ATP7B: variants seen among roughly 807,000 people sequenced by gnomAD.
ATP7B encodes ATPase copper transporting beta, also known as copper-transporting ATPase 2.
In ATP7B, 113 loss-of-function variants were observed where a neutral mutation model predicts 118.9. The ratio of observed to expected loss-of-function variants is 0.95; its 90% CI spans 0.82 to 1.11. The LOEUF (loss-of-function observed/expected upper bound fraction) is 1.11. ATP7B is among the 50% of genes most tolerant of loss of function. ATP7B has a pLI of 0.00. For synonymous variants in ATP7B, 777 were observed against 727.4 expected (o/e 1.07, Z -1.10); for missense variants, 1,867 against 1,871.4 (o/e 1.00, Z 0.04).
chr13:51,957,421 G>C, intron 9 of ATP7B, 95 bp downstream of exon 9: 1 of 1,258,172 alleles, frequency 7.9e-7, no homozygotes, highest in Non-Finnish European at 1.2e-6. Flanking sequence ...ACACTCACAA[G>C]GTCTATTGCA....
intron 1 of ATP7B, among the ~76,000 whole-genome samples, chr13:51,978,418 A>C (rs1043381117): frequency 4.6e-5 from 7 of 152,228 alleles, no homozygotes; most frequent in Non-Finnish European, 7.3e-5. Context: ...CTACATTGCT[A>C]GTGGGAGTGT....
chr13:51,956,903 AC>A (rs1311185973), intron 9 of ATP7B, among the ~76,000 whole-genome samples: 1 of 152,146 alleles, frequency 6.6e-6, no homozygotes, highest in East Asian at 1.9e-4. Context: ...ATTACTGAAT[AC>A]CTGTGTGACC....
At position 51,974,089 on chromosome 13, in the gene ATP7B, A is replaced by T; in HGVS notation, c.1131T>A (p.Ile377=). Reference sequence around the variant, plus strand: ...CTTCCAGTTGGGAGATCATGCCTTCAATGGAATGGACACAGGATGCACAGG... The same window carrying T: ...CTTCCAGTTGGGAGATCATGCCTTCTATGGAATGGACACAGGATGCACAGG... ...GMTCASCVHS[I]EGMISQLEGV... The change falls in exon 2 of 21, where the codon ATT becomes ATA. Residue 377 remains isoleucine, a synonymous_variant. Coordinates refer to ENST00000242839, the MANE Select transcript of ATP7B (RefSeq NM_000053.4). 6.2e-7 allele frequency: 1 copy of T among 1,614,080 alleles called. No homozygotes were observed.
intron 14 of ATP7B, among the ~76,000 whole-genome samples, chr13:51,942,855 G>A (rs985540365): frequency 2.0e-5 from 3 of 152,140 alleles, no homozygotes; most frequent in African/African-American, 4.8e-5. Flanking sequence ...ACAGGTTACC[G>A]ACTGGAAAGG....
chr13:51,950,433 A>G, intron 9 of ATP7B, 34 bp from the exon 10 acceptor site: 1 of 1,612,536 alleles, frequency 6.2e-7, no homozygotes, highest in Non-Finnish European at 8.5e-7. Context: ...TCACATGGCC[A>G]CTCATTCGGT....
rs774226215 is a variant in ATP7B at position 51,974,097 on chromosome 13, G to A, written c.1123C>T (p.His375Tyr). Residue 375 changes from histidine (H) to tyrosine (Y), a missense_variant, in exon 2 of 21, where the codon CAT becomes TAT. Coordinates refer to ENST00000242839, the MANE Select transcript of ATP7B (RefSeq NM_000053.4). Reference protein sequence around the residue: ...IAGMTCASCVHSIEGMISQLE... With the variant: ...IAGMTCASCVYSIEGMISQLE... ...TGGGAGATCATGCCTTCAATGGAAT[G>A]GACACAGGATGCACAGGTCATGCCG... 17 of 1,613,988 alleles carry A rather than the reference G, an allele frequency of 1.1e-5. No individual in the cohort carries two copies. Among genetic ancestry groups the A allele is most frequent in the Non-Finnish European group, 1.4e-5 (16 of 1,180,044 alleles).
chr13:51,944,239 C>T lies in ATP7B; in HGVS notation c.3113G>A (p.Arg1038Lys), dbSNP rs59959366. 1.2e-6 allele frequency: 2 copies of T among 1,614,096 alleles called. No individual in the cohort carries two copies. The highest frequency in any genetic ancestry group is 3.3e-5 in the Admixed American group (2 of 60,022). Reference protein sequence around the residue: ...KTGTITHGVPRVMRVLLLGDV... With the variant: ...KTGTITHGVPKVMRVLLLGDV... The stretch of plus-strand genomic sequence containing the variant: ...CCCCAGCAGGAGCACCCGCATGACC[C>T]TGGGGACGCCATGGGTAATGGTGCC... The change falls in exon 14 of 21, where the codon AGG (arginine) becomes AAG (lysine). Residue 1038 changes from arginine (R) to lysine (K), a missense_variant. Transcript: ENST00000242839.
chr13:51,980,365 G>C (rs897179046), intron 1 of ATP7B, among the ~76,000 whole-genome samples: 3 of 152,174 alleles, frequency 2.0e-5, no homozygotes, highest in African/African-American at 7.2e-5. Context: ...GGATGAGAAA[G>C]GACTGGAAGC....
chr13:51,959,332 C>A (rs967902631), intron 7 of ATP7B: 1 of 152,560 alleles, frequency 6.6e-6, no homozygotes, highest in Non-Finnish European at 1.5e-5. Flanking sequence ...GAGTTTGAGA[C>A]CAACCTGGGC....
chr13:51,939,345 AG>A, intron 16 of ATP7B, 152 bp from the exon 17 acceptor site: 1 of 1,259,146 alleles, frequency 7.9e-7, no homozygotes, highest in South Asian at 1.3e-5. Context: ...CTTTTTAAAA[AG>A]TACATGCATT....
chr13:51,974,711 C>T lies in ATP7B; in HGVS notation c.509G>A (p.Gly170Glu). 1 of 1,613,766 alleles carries T rather than the reference C, an allele frequency of 6.2e-7. No individual in the cohort carries two copies. Among genetic ancestry groups the T allele is most frequent in the Non-Finnish European group, 8.5e-7 (1 of 1,179,676 alleles). ...SIEGKVRKLQ[G>E]VVRVKVSLSN... ...GAGTGAGACTTTGACTCTCACTACT[C>T]CTTGCAGTTTCCGGACCTTGCCTTC... Residue 170 changes from glycine (G) to glutamate (E), a missense_variant, in exon 2 of 21, where the codon GGA becomes GAA. Physicochemically the swap from Gly to Glu is moderately conservative, Grantham distance 98. Coordinates refer to ENST00000242839, the MANE Select transcript of ATP7B (RefSeq NM_000053.4).
Position 51,949,726 on chromosome 13 carries a change from A to C in ATP7B, c.2801T>G (p.Leu934Trp). The change falls in exon 12 of 21, where the codon TTG becomes TGG. Residue 934 changes from leucine to tryptophan, a missense_variant. Transcript: ENST00000242839. ...GATTACAATCCATACCACCAACGTC[A>C]AAGTTGACATGATGATGATAAATGG... The part of the protein sequence containing the change: ...FVPFIIIMST[L>W]TLVVWIVIGF... 2.5e-6 allele frequency: 4 copies of C among 1,614,178 alleles called. No individual in the cohort carries two copies. The highest frequency in any genetic ancestry group is 3.4e-6 in the Non-Finnish European group (4 of 1,180,026).
Position 51,974,844 on chromosome 13 carries a change from C to T in ATP7B, c.376G>A (p.Ala126Thr). 6.2e-7 allele frequency: 1 copy of T among 1,614,226 alleles called. No homozygotes were observed. The highest frequency in any genetic ancestry group is 8.5e-7 in the Non-Finnish European group (1 of 1,180,040). ...IGDMGFEASIAEGKAASWPSR... is the reference protein window; with the variant it reads ...IGDMGFEASITEGKAASWPSR... ...GGCCAGGAGGCTGCCTTTCCTTCTG[C>T]AATGCTGGCCTCGAAGCCCATGTCC... The change falls in exon 2 of 21, where the codon GCA (alanine) becomes ACA (threonine). Residue 126 changes from alanine to threonine, a missense_variant. By Grantham distance (58) the Ala-to-Thr change is moderately conservative. Coordinates refer to ENST00000242839, the MANE Select transcript of ATP7B (RefSeq NM_000053.4).
At chr13:51,967,595 G>A (rs1470528279) in intron 4 of ATP7B, among the ~76,000 whole-genome samples, 6 of 152,212 alleles carry the variant, frequency 3.9e-5, no homozygotes, top group Non-Finnish European at 5.9e-5. Context: ...CCACAGCAAA[G>A]GGTTTGCTCC....
At chr13:51,970,434 G>C in intron 3 of ATP7B, 58 bp downstream of exon 3, 4 of 1,608,262 alleles carry the variant, frequency 2.5e-6, no homozygotes, top group African/African-American at 1.3e-5. Flanking sequence ...ATTCTGAAGG[G>C]AGAATACGAG....
intron 1 of ATP7B, among the ~76,000 whole-genome samples, chr13:52,010,712 A>G (rs1337238481): frequency 6.6e-6 from 1 of 152,246 alleles, no homozygotes; most frequent in East Asian, 1.9e-4. Flanking sequence ...CACTGTATCA[A>G]CTCAACACTG....
At chr13:51,957,193 T>C (rs935361715) in intron 9 of ATP7B, among the ~76,000 whole-genome samples, 2 of 152,212 alleles carry the variant, frequency 1.3e-5, no homozygotes, top group South Asian at 2.1e-4. Flanking sequence ...TGAATGTGTA[T>C]CTTACTAGGA....
At chr13:51,981,604 A>G (rs1235452835) in intron 1 of ATP7B, among the ~76,000 whole-genome samples, 1 of 152,164 alleles carries the variant, frequency 6.6e-6, no homozygotes, top group Non-Finnish European at 1.5e-5. Context: ...GACTCAAGAA[A>G]GGATCTCACC....
At chr13:51,966,787 A>G in intron 4 of ATP7B, 10 of 1,607,550 alleles carry the variant, frequency 6.2e-6, no homozygotes, top group Non-Finnish European at 8.5e-6. Flanking sequence ...CCTGCTGGAC[A>G]GCAAAGGCTT....
Sources: gnomAD v4.1 joint callset for allele counts (sites outside exome capture counted in the v4.1 genomes callset) on GRCh38, gnomAD v4.1.1 for gene constraint, MANE v1.5 for transcripts, NCBI Gene and HGNC (gene_info 2026-07-23, HGNC 2026-07-21) for gene names.